MLXIP: variants seen among roughly 807,000 people sequenced by gnomAD.
MLXIP encodes the protein MLX-interacting protein.
MLXIP carries 30 observed loss-of-function variants against 87.2 expected under a neutral mutation model. The ratio of observed to expected loss-of-function variants is 0.34; its 90% CI spans 0.26 to 0.47. The LOEUF (loss-of-function observed/expected upper bound fraction) is 0.47, where lower values mean the gene tolerates loss of function less well. Ranked by LOEUF, MLXIP falls within the 20% of genes least tolerant of loss-of-function variation. The probability of loss-of-function intolerance (pLI) is 1.00; values close to 1 mark genes in which losing one functional copy is unlikely to be tolerated. For synonymous variants in MLXIP, 530 were observed against 514.0 expected (o/e 1.03, Z -0.42); for missense variants, 1,002 against 1,240.1 (o/e 0.81, Z 2.88).
At chr12:122,115,126 T>A (rs538810343) in intron 1 of MLXIP, among the ~76,000 whole-genome samples, 1 of 152,232 alleles carries the variant, frequency 6.6e-6, no homozygotes, top group South Asian at 2.1e-4. Context: ...TGAAGGTGAG[T>A]TTGCTTTTGT....
rs1953308788 is a variant in MLXIP, at chr12:122,146,672, ATTTTG to A, written c.*4867_*4871del. Reference sequence around the variant, plus strand: ...CGCGTGTGCGTGTTGACTTCATGGAATTTTGTTTTGTGAAATTCCCCTCCAATCGT... The same window carrying A: ...CGCGTGTGCGTGTTGACTTCATGGAATTTTGTGAAATTCCCCTCCAATCGT... On this transcript the variant is annotated 3_prime_UTR_variant, in exon 17 of 17. Coordinates refer to ENST00000319080, the MANE Select transcript of MLXIP (RefSeq NM_014938.6). The A allele has an allele frequency of 6.6e-6, 1 of 151,912 alleles. No individual in the cohort carries two copies. The highest frequency in any genetic ancestry group is 2.1e-4 in the South Asian group (1 of 4,824). The allele number at this position is 151,912 out of a possible 1,614,324, so 9.4% of individuals were successfully genotyped here. A position where few individuals can be genotyped will look rare whatever the true frequency, so the allele number is the denominator to read the frequency against.
chr12:122,140,265 C>T (rs1236342467), intron 15 of MLXIP, among the ~76,000 whole-genome samples: 1 of 152,168 alleles, frequency 6.6e-6, no homozygotes, highest in Non-Finnish European at 1.5e-5. Flanking sequence ...AGGCAAACGC[C>T]ACTTTCAGGC....
At chr12:122,094,110 T>G (rs1419695876) in intron 1 of MLXIP, among the ~76,000 whole-genome samples, 1 of 132,936 alleles carries the variant, frequency 7.5e-6, no homozygotes, top group African/African-American at 2.8e-5. Flanking sequence ...GTGTGTGTGG[T>G]GTGTTGTGTG....
At position 122,137,392 on chromosome 12, in the gene MLXIP, T is replaced by C; in HGVS notation, c.2033-77T>C. ...GCTAGCAGCGAGCACCTCATAACCC[T>C]GCAGAGACCCCAGGCTGCCTCCTGG... On this transcript the variant is annotated intron_variant, in intron 11 of 16. Transcript: ENST00000319080. The surrounding 1 kb of genome is among the most constrained non-coding windows in gnomAD (Gnocchi z 4.1). 1 of 1,543,360 alleles carries C rather than the reference T, an allele frequency of 6.5e-7. No homozygotes were observed. The highest frequency in any genetic ancestry group is 8.7e-7 in the Non-Finnish European group (1 of 1,144,868).
In MLXIP at chr12:122,137,327, A is replaced by C. The variant is rs776523885; in HGVS notation, c.2033-142A>C. The stretch of plus-strand genomic sequence containing the variant: ...GGAGTGAATAAGAATAATCTAAGGA[A>C]GCATGTGTGTGCAGTTGAAAGAACC... On this transcript the variant is annotated intron_variant, in intron 11 of 16. Transcript: ENST00000319080. The surrounding 1 kb of genome is among the most constrained non-coding windows in gnomAD (Gnocchi z 4.1). 16 of 778,730 alleles carry C rather than the reference A, an allele frequency of 2.1e-5. No individual in the cohort carries two copies. Among genetic ancestry groups the C allele is most frequent in the Admixed American group, 3.4e-5 (1 of 29,602 alleles). 48.2% of individuals were successfully genotyped at this position (778,730 alleles called of 1,614,324 possible).
intron 1 of MLXIP, among the ~76,000 whole-genome samples, chr12:122,121,891 G>A (rs1349313655): frequency 6.6e-6 from 1 of 152,182 alleles, no homozygotes; most frequent in Non-Finnish European, 1.5e-5. Flanking sequence ...GCTGTGGCAG[G>A]GTGGTGTAAA....
At chr12:122,132,873 G>A (rs947196619) in intron 8 of MLXIP, 2 of 169,346 alleles carry the variant, frequency 1.2e-5, no homozygotes, top group African/African-American at 4.8e-5. Context: ...TCTTCAAACG[G>A]GCTCCGGGAA....
In MLXIP at chr12:122,140,942, C is replaced by T. The variant is rs775105352; in HGVS notation, c.2509-12C>T. 54 of 1,613,866 alleles carry T rather than the reference C, an allele frequency of 3.3e-5. No individual in the cohort carries two copies. The East Asian group carries it at 1.1e-3, about 34-fold the overall frequency. On this transcript the variant is annotated splice_polypyrimidine_tract_variant and intron_variant, in intron 15 of 16. Coordinates refer to ENST00000319080, the MANE Select transcript of MLXIP (RefSeq NM_014938.6). ...TCTCCGTGCTTGCCTTTTCTTTAACCACACACTGCAGTTCAGCATCATCAT... is the reference window on the plus strand; with the variant it reads ...TCTCCGTGCTTGCCTTTTCTTTAACTACACACTGCAGTTCAGCATCATCAT...
At chr12:122,134,168 C>A (rs1055935923) in intron 9 of MLXIP, 181 bp downstream of exon 9, 1 of 736,360 alleles carries the variant, frequency 1.4e-6, no homozygotes, top group Non-Finnish European at 2.0e-6. Flanking sequence ...TGATCTAGTC[C>A]GTTTTCTATG....
rs1343444767 is a variant in MLXIP at position 122,137,644 on chromosome 12, C to T, written c.2154+54C>T. On this transcript the variant is annotated intron_variant, in intron 12 of 16. Transcript: ENST00000319080. The surrounding 1 kb of genome is among the most constrained non-coding windows in gnomAD (Gnocchi z 4.1). Reference sequence around the variant, plus strand: ...GGGAGGAGGGGAGAGGAGTGCAGGACATCAAGGATCTGTGTCTTGTCTGGA... The same window carrying T: ...GGGAGGAGGGGAGAGGAGTGCAGGATATCAAGGATCTGTGTCTTGTCTGGA... The T allele has an allele frequency of 5.7e-6, 9 of 1,576,954 alleles. No individual in the cohort carries two copies. In the African/African-American group the frequency reaches 1.3e-4, roughly 23 times the overall value.
At chr12:122,086,239 CTGT>C (rs1952166619) in intron 1 of MLXIP, among the ~76,000 whole-genome samples, 1 of 152,152 alleles carries the variant, frequency 6.6e-6, no homozygotes, top group South Asian at 2.1e-4. Flanking sequence ...ATCATAAAGT[CTGT>C]TGTTCTAAGC....
chr12:122,089,040 G>A (rs933537201), intron 1 of MLXIP, among the ~76,000 whole-genome samples: 6 of 151,782 alleles, frequency 4.0e-5, no homozygotes, highest in African/African-American at 1.5e-4. Context: ...AAATTAGCTG[G>A]GTGTGGTGGT....
In MLXIP at chr12:122,078,808, C is replaced by T. The variant is rs1031877116; in HGVS notation, c.-46C>T. On this transcript the variant is annotated 5_prime_UTR_variant, in exon 1 of 17. Transcript: ENST00000319080. ...GCGCCCCTCTGCCTCGCGCGCTTGT[C>T]GCGTTGCCCCGGGCTCCGGGGGATG... 105 of 1,033,792 alleles carry T rather than the reference C, an allele frequency of 1.0e-4. 1 individual carries two copies. Among genetic ancestry groups the T allele is most frequent in the Non-Finnish European group, 4.4e-5 (38 of 862,910 alleles). 64.0% of individuals were successfully genotyped at this position (1,033,792 alleles called of 1,614,324 possible).
rs1176187178 is a variant in MLXIP at position 122,135,390 on chromosome 12, G to C, written c.1854+45G>C. The C allele has an allele frequency of 6.2e-7, 1 of 1,601,382 alleles. No homozygotes were observed. Among genetic ancestry groups the C allele is most frequent in the African/African-American group, 1.3e-5 (1 of 74,766 alleles). ...GACCTGCAGTGTCCTTCTCACCCCGGAGCACTCTGATCTTGGGCGGCCCTC... is the reference window on the plus strand; with the variant it reads ...GACCTGCAGTGTCCTTCTCACCCCGCAGCACTCTGATCTTGGGCGGCCCTC... On this transcript the variant is annotated intron_variant, in intron 10 of 16. Transcript: ENST00000319080. This position sits in a 1 kb window ranked among gnomAD's most constrained non-coding sequence, Gnocchi z 5.3.
At chr12:122,112,396 T>C (rs761960173) in intron 1 of MLXIP, among the ~76,000 whole-genome samples, 2 of 152,132 alleles carry the variant, frequency 1.3e-5, no homozygotes, top group Non-Finnish European at 2.9e-5. Context: ...CCCAGCACTT[T>C]GGGAGGCCAA....
intron 1 of MLXIP, among the ~76,000 whole-genome samples, chr12:122,093,674 T>TG (rs1952288639): frequency 8.2e-6 from 1 of 122,344 alleles, no homozygotes; most frequent in African/African-American, 3.2e-5. Context: ...GTGTGTGTGG[T>TG]GTATGTGTGC....
At chr12:122,134,024 C>G in intron 9 of MLXIP, 37 bp downstream of exon 9, 1 of 1,548,098 alleles carries the variant, frequency 6.5e-7, no homozygotes, top group Non-Finnish European at 8.7e-7. Flanking sequence ...GGGGCTCCCC[C>G]CGACCCAGAG....
chr12:122,100,706 T>C (rs192745729), intron 1 of MLXIP, among the ~76,000 whole-genome samples: 225 of 152,358 alleles, frequency 1.5e-3, no homozygotes, highest in African/African-American at 5.1e-3. Context: ...TCCCATTTTC[T>C]ATTGGTTTGC....
intron 1 of MLXIP, among the ~76,000 whole-genome samples, chr12:122,102,876 A>C (rs1952456986): frequency 1.3e-5 from 2 of 152,250 alleles, no homozygotes. Context: ...ATTCATGTAG[A>C]GACAGAAAGT....
Sources: gnomAD v4.1 joint callset for allele counts (sites outside exome capture counted in the v4.1 genomes callset) on GRCh38, gnomAD v4.1.1 for gene constraint, Gnocchi (gnomAD v3.1) non-coding constraint, MANE v1.5 for transcripts, NCBI Gene and HGNC (gene_info 2026-07-23, HGNC 2026-07-21) for gene names.